The following WWOX variants were observed in gnomAD, a reference collection of about 807,000 sequenced individuals.
The protein encoded by WWOX is WW domain containing oxidoreductase, also known as WW domain-containing oxidoreductase.
A neutral mutation model predicts 46.2 loss-of-function variants in WWOX; 69 were observed. The ratio of observed to expected loss-of-function variants is 1.49; its 90% CI spans 1.23 to 1.82. The LOEUF is 1.82. Ranked by LOEUF, WWOX falls within the 40% of genes most tolerant of loss-of-function variation. The probability of loss-of-function intolerance (pLI) is 0.00; values close to 1 mark genes in which losing one functional copy is unlikely to be tolerated. For synonymous variants in WWOX, 359 were observed against 202.6 expected (o/e 1.77, Z -6.56); for missense variants, 919 against 542.6 (o/e 1.69, Z -6.89).
intron 5 of WWOX, among the ~76,000 whole-genome samples, chr16:78,230,189 C>T (rs1487606084): frequency 6.6e-6 from 1 of 151,894 alleles, no homozygotes; most frequent in African/African-American, 2.4e-5. Flanking sequence ...CCCGGCCTTA[C>T]GTTTCAGCAT....
intron 6 of WWOX, among the ~76,000 whole-genome samples, chr16:78,417,091 G>C (rs1219559487): frequency 6.7e-6 from 1 of 149,482 alleles, no homozygotes; most frequent in African/African-American, 2.6e-5. Context: ...TTTTGAGACA[G>C]GGTGTTGCTC....
At chr16:78,101,629 T>C (rs1400683950) in intron 1 of WWOX, among the ~76,000 whole-genome samples, 4 of 152,158 alleles carry the variant, frequency 2.6e-5, no homozygotes, top group Non-Finnish European at 4.4e-5. Flanking sequence ...CCAGAATTTC[T>C]GATTTAATTG....
chr16:78,181,131 G>A (rs2035520332), intron 5 of WWOX, among the ~76,000 whole-genome samples: 1 of 152,160 alleles, frequency 6.6e-6, no homozygotes, highest in African/African-American at 2.4e-5. Context: ...CAGGCATACA[G>A]AGAAAGAGAG....
intron 5 of WWOX, among the ~76,000 whole-genome samples, chr16:78,236,865 A>C (rs2037456254): frequency 6.6e-6 from 1 of 152,116 alleles, no homozygotes; most frequent in African/African-American, 2.4e-5. Flanking sequence ...TCACGAGGTC[A>C]GGAGTTGAAG....
At chr16:78,996,957 G>A (rs1567470427) in intron 8 of WWOX, among the ~76,000 whole-genome samples, 1 of 152,224 alleles carries the variant, frequency 6.6e-6, no homozygotes, top group African/African-American at 2.4e-5. Flanking sequence ...GCGCCTGGGA[G>A]GGCGAGGTGC....
intron 8 of WWOX, among the ~76,000 whole-genome samples, chr16:78,952,470 C>A (rs1271394240): frequency 6.6e-6 from 1 of 151,756 alleles, no homozygotes. Context: ...GCAACCTCCA[C>A]CTCCCAGGTT....
At chr16:79,122,987 T>G (rs535246652) in intron 8 of WWOX, among the ~76,000 whole-genome samples, 2 of 152,226 alleles carry the variant, frequency 1.3e-5, no homozygotes, top group Non-Finnish European at 2.9e-5. Context: ...GGGATTCCAG[T>G]TGCCCTTTTC....
chr16:78,821,401 C>G (rs1473372652), intron 8 of WWOX, among the ~76,000 whole-genome samples: 1 of 152,158 alleles, frequency 6.6e-6, no homozygotes, highest in Non-Finnish European at 1.5e-5. Flanking sequence ...TTTCCCCCTG[C>G]TCACCACATG....
At chr16:78,306,596 G>C (rs2080138209) in intron 5 of WWOX, among the ~76,000 whole-genome samples, 1 of 152,120 alleles carries the variant, frequency 6.6e-6, no homozygotes. Flanking sequence ...CCAGATCAAA[G>C]AGTTGAGACA....
At chr16:78,833,232 T>C (rs980927226) in intron 8 of WWOX, among the ~76,000 whole-genome samples, 1 of 152,062 alleles carries the variant, frequency 6.6e-6, no homozygotes, top group Non-Finnish European at 1.5e-5. Context: ...TTTGTAGAGA[T>C]GGGGCTTGCT....
At chr16:79,170,050 C>A (rs1456283620) in intron 8 of WWOX, among the ~76,000 whole-genome samples, 1 of 152,112 alleles carries the variant, frequency 6.6e-6, no homozygotes, top group East Asian at 1.9e-4. Context: ...ATAATGAGCG[C>A]CAACCAGCTC....
chr16:78,830,586 A>G (rs1419437550), intron 8 of WWOX, among the ~76,000 whole-genome samples: 1 of 151,990 alleles, frequency 6.6e-6, no homozygotes, highest in Non-Finnish European at 1.5e-5. Context: ...GATATTTTCC[A>G]AGGTCACTAA....
At chr16:78,429,224 G>A (rs1009149152) in intron 7 of WWOX, among the ~76,000 whole-genome samples, 33 of 152,226 alleles carry the variant, frequency 2.2e-4, no homozygotes, top group Non-Finnish European at 4.6e-4. Flanking sequence ...GAGGAGCAAT[G>A]TACAGATAGA....
intron 5 of WWOX, among the ~76,000 whole-genome samples, chr16:78,170,756 G>A (rs1391666480): frequency 6.6e-6 from 1 of 152,126 alleles, no homozygotes; most frequent in Non-Finnish European, 1.5e-5. Flanking sequence ...CATATATTTT[G>A]GAAAGATGAT....
At chr16:78,878,922 C>T (rs924532174) in intron 8 of WWOX, among the ~76,000 whole-genome samples, 5 of 91,828 alleles carry the variant, frequency 5.4e-5, no homozygotes, top group Non-Finnish European at 9.8e-5. Flanking sequence ...AAAAAAAAAG[C>T]CTGTCATAGT....
At chr16:78,992,150 T>G (rs1317551753) in intron 8 of WWOX, among the ~76,000 whole-genome samples, 1 of 152,192 alleles carries the variant, frequency 6.6e-6, no homozygotes, top group African/African-American at 2.4e-5. Context: ...CCTTGAGGCA[T>G]TCACAGGTAA....
At chr16:78,490,104 C>T (rs2084741499) in intron 8 of WWOX, among the ~76,000 whole-genome samples, 1 of 150,680 alleles carries the variant, frequency 6.6e-6, no homozygotes, top group East Asian at 2.0e-4. Context: ...ATTTTTAACA[C>T]TAAACGATTT....
chr16:79,021,423 A>C (rs2047530723), intron 8 of WWOX, among the ~76,000 whole-genome samples: 1 of 152,168 alleles, frequency 6.6e-6, no homozygotes. Flanking sequence ...TTTTGAATAC[A>C]TAAAACGCAC....
At chr16:79,117,416 G>C (rs562782074) in intron 8 of WWOX, among the ~76,000 whole-genome samples, 1 of 152,274 alleles carries the variant, frequency 6.6e-6, no homozygotes, top group South Asian at 2.1e-4. Context: ...GTCTCATCCA[G>C]GGTTTGTTAT....
Sources: allele counts gnomAD v4.1 joint callset (sites outside exome capture counted in the v4.1 genomes callset), GRCh38; gene constraint gnomAD v4.1.1; transcripts MANE v1.5; gene names NCBI Gene and HGNC (gene_info 2026-07-23, HGNC 2026-07-21).